The following HDAC4 variants were observed in gnomAD, a reference collection of about 807,000 sequenced individuals.
HDAC4 encodes histone deacetylase A.
A neutral mutation model predicts 135.1 loss-of-function variants in HDAC4; 16 were observed. The ratio of observed to expected loss-of-function variants is 0.12; its 90% confidence interval spans 0.08 to 0.18. The LOEUF (loss-of-function observed/expected upper bound fraction) is 0.18. HDAC4 is among the 10% of genes least tolerant of loss of function. The pLI, the probability that HDAC4 is intolerant of heterozygous loss-of-function variation, is 1.00. For missense variants in HDAC4, 1,143 were observed against 1,511.8 expected (o/e 0.76, Z 4.05); for synonymous variants, 685 against 653.4 (o/e 1.05, Z -0.74).
At chr2:239,324,360 C>T (rs2053408046) in intron 2 of HDAC4, among the ~76,000 whole-genome samples, 1 of 152,204 alleles carries the variant, frequency 6.6e-6, no homozygotes, top group African/African-American at 2.4e-5. Flanking sequence ...GTATCCTGAA[C>T]AGAAAGGCTG....
rs886043528 is a variant in HDAC4 at position 239,108,156 on chromosome 2, T to C, written c.2006A>G (p.Lys669Arg). The C allele has an allele frequency of 2.7e-5, 44 of 1,605,862 alleles. 1 individual carries two copies. Among genetic ancestry groups the C allele is most frequent in the Non-Finnish European group, 3.7e-5 (44 of 1,177,420 alleles). The change falls in exon 15 of 27, where the codon AAG (lysine) becomes AGG (arginine). Residue 669 changes from lysine (K) to arginine (R), a missense_variant. Coordinates refer to ENST00000543185, the MANE Select transcript of HDAC4 (RefSeq NM_001378414.1). ...TGLVYDTLML[K>R]HQCTCGSSSS... ...GCTACTCCCGCAGGTGCACTGGTGC[T>C]TCAGCATCAGCGTGTCATACACGAG...
intron 2 of HDAC4, among the ~76,000 whole-genome samples, chr2:239,340,588 T>G (rs1692237300): frequency 6.6e-6 from 1 of 152,194 alleles, no homozygotes; most frequent in African/African-American, 2.4e-5. Context: ...CTGCACCTTA[T>G]CATTCTGTTA....
intron 2 of HDAC4, among the ~76,000 whole-genome samples, chr2:239,300,658 G>C (rs923652036): frequency 6.6e-6 from 1 of 152,116 alleles, no homozygotes; most frequent in Non-Finnish European, 1.5e-5. Flanking sequence ...CTTCCCTGCA[G>C]AACAGGAATG....
At chr2:239,370,515 T>G (rs1157126260) in intron 1 of HDAC4, among the ~76,000 whole-genome samples, 1 of 152,220 alleles carries the variant, frequency 6.6e-6, no homozygotes, top group Non-Finnish European at 1.5e-5. Context: ...AGCGCCCCCC[T>G]GAATCCAGGC....
intron 15 of HDAC4, among the ~76,000 whole-genome samples, chr2:239,105,617 G>T (rs570172708): frequency 6.6e-6 from 1 of 152,272 alleles, no homozygotes; most frequent in East Asian, 1.9e-4. Context: ...GCAGTGTGAG[G>T]GGAGGGCCTC....
chr2:239,156,682 C>T lies in HDAC4; in HGVS notation c.703G>A (p.Ala235Thr), dbSNP rs376999940. ...YNHPVLGMYD[A>T]KDDFPLRKTA... ...TTCCTAAGAGGGAAGTCATCTTTGG[C>T]GTCGTACATTCCCAGGACCGGGTGG... The change falls in exon 7 of 27, where the codon GCC (alanine) becomes ACC (threonine). Residue 235 changes from alanine (A) to threonine (T), a missense_variant. Physicochemically the swap from Ala to Thr is moderately conservative, Grantham distance 58. Transcript: ENST00000543185. The T allele has an allele frequency of 6.2e-6, 10 of 1,614,010 alleles. No homozygotes were observed. Among genetic ancestry groups the T allele is most frequent in the Admixed American group, 1.7e-5 (1 of 59,998 alleles).
At chr2:239,093,634 G>C (rs975377154) in intron 17 of HDAC4, among the ~76,000 whole-genome samples, 1 of 152,200 alleles carries the variant, frequency 6.6e-6, no homozygotes, top group South Asian at 2.1e-4. Flanking sequence ...CTCTGCCCGC[G>C]TCCACGTGGG....
chr2:239,078,206 C>T (rs371397151), intron 22 of HDAC4, among the ~76,000 whole-genome samples: 1 of 152,318 alleles, frequency 6.6e-6, no homozygotes, highest in Middle Eastern at 3.4e-3. Flanking sequence ...CGTCTGGCAC[C>T]GGGACTGGTT....
chr2:239,382,909 T>A (rs1695519906), intron 1 of HDAC4, among the ~76,000 whole-genome samples: 1 of 152,070 alleles, frequency 6.6e-6, no homozygotes, highest in Non-Finnish European at 1.5e-5. Context: ...GTATTTTTTT[T>A]AGTAGAGATG....
chr2:239,376,936 T>G (rs1695051622), intron 1 of HDAC4, among the ~76,000 whole-genome samples: 1 of 152,022 alleles, frequency 6.6e-6, no homozygotes, highest in Non-Finnish European at 1.5e-5. Flanking sequence ...TGGCTCTGAG[T>G]GCAGGTCCTT....
intron 2 of HDAC4, among the ~76,000 whole-genome samples, chr2:239,342,089 A>C (rs1044864337): frequency 6.6e-6 from 1 of 152,184 alleles, no homozygotes. Flanking sequence ...GTGAGCAAGA[A>C]ATTTCTATTA....
chr2:239,302,844 G>C (rs2052348142), intron 2 of HDAC4, among the ~76,000 whole-genome samples: 1 of 152,248 alleles, frequency 6.6e-6, no homozygotes, highest in Non-Finnish European at 1.5e-5. Flanking sequence ...CCCCAAAAGA[G>C]TCTCTCAAGT....
At chr2:239,278,549 G>A (rs1350263249) in intron 2 of HDAC4, among the ~76,000 whole-genome samples, 1 of 152,138 alleles carries the variant, frequency 6.6e-6, no homozygotes, top group Non-Finnish European at 1.5e-5. Context: ...GTGATGAGCA[G>A]CTGTAGTCCC....
intron 22 of HDAC4, among the ~76,000 whole-genome samples, chr2:239,077,346 C>G (rs756675291): frequency 1.3e-5 from 2 of 152,272 alleles, no homozygotes; most frequent in Non-Finnish European, 2.9e-5. Flanking sequence ...GGGGGCTTGC[C>G]TCCTCCAGAA....
chr2:239,218,789 C>T (rs1345122300), intron 3 of HDAC4, among the ~76,000 whole-genome samples: 5 of 143,888 alleles, frequency 3.5e-5, no homozygotes, highest in Admixed American at 6.9e-5. Flanking sequence ...ACAAACAACC[C>T]CATCAAAAAG....
At chr2:239,113,531 T>C (rs1367919945) in intron 13 of HDAC4, among the ~76,000 whole-genome samples, 1 of 152,246 alleles carries the variant, frequency 6.6e-6, no homozygotes, top group African/African-American at 2.4e-5. Context: ...GTTCTGCCTA[T>C]TACTCTCCAG....
intron 3 of HDAC4, among the ~76,000 whole-genome samples, chr2:239,234,462 C>G (rs2047766414): frequency 1.3e-5 from 2 of 152,172 alleles, no homozygotes; most frequent in Admixed American, 1.3e-4. Context: ...GGGTGACAGG[C>G]TGCAGGAGAG....
intron 24 of HDAC4, among the ~76,000 whole-genome samples, chr2:239,057,015 G>C (rs1448124995): frequency 6.6e-6 from 1 of 152,226 alleles, no homozygotes; most frequent in Non-Finnish European, 1.5e-5. Context: ...TGTGATCCTG[G>C]ACGGGACCCT....
At chr2:239,365,655 G>A (rs750471268) in intron 1 of HDAC4, among the ~76,000 whole-genome samples, 5 of 152,208 alleles carry the variant, frequency 3.3e-5, no homozygotes, top group Non-Finnish European at 7.3e-5. Flanking sequence ...GGACAGACAT[G>A]CACACACAAG....
Sources: gnomAD v4.1 joint callset for allele counts (sites outside exome capture counted in the v4.1 genomes callset) on GRCh38, gnomAD v4.1.1 for gene constraint, MANE v1.5 for transcripts, NCBI Gene and HGNC (gene_info 2026-07-23, HGNC 2026-07-21) for gene names.